SGCZ: variants seen among roughly 807,000 people sequenced by gnomAD.
SGCZ encodes the protein sarcoglycan zeta.
Under a neutral mutation model 41.3 loss-of-function variants are expected in SGCZ, and 40 were observed. The observed-to-expected ratio is 0.97, with a 90% CI of 0.75 to 1.26. The LOEUF is 1.26. SGCZ is among the 50% of genes most tolerant of loss of function. The probability of loss-of-function intolerance (pLI) is 0.00; values close to 1 mark genes in which losing one functional copy is unlikely to be tolerated. For missense variants in SGCZ, 552 were observed against 369.8 expected, an observed-to-expected ratio of 1.49 and a Z score of -4.04; for synonymous variants, 206 against 137.5, an observed-to-expected ratio of 1.50 and a Z score of -3.49.
intron 1 of SGCZ, among the ~76,000 whole-genome samples, chr8:14,999,471 G>C (rs905803780): frequency 6.6e-5 from 10 of 152,114 alleles, no homozygotes; most frequent in African/African-American, 2.4e-4. Context: ...CAATAAAAAA[G>C]TAACATTTGC....
chr8:14,910,417 C>T (rs956992626), intron 1 of SGCZ, among the ~76,000 whole-genome samples: 4 of 151,962 alleles, frequency 2.6e-5, no homozygotes, highest in Non-Finnish European at 5.9e-5. Flanking sequence ...TTACCTAAAA[C>T]TTATTTTTAG....
At chr8:14,484,257 T>C (rs145972868) in intron 2 of SGCZ, among the ~76,000 whole-genome samples, 1,882 of 152,274 alleles carry the variant, frequency 0.012, 43 homozygotes, top group African/African-American at 0.043. Context: ...CATAGTTTGC[T>C]ATTAGTATGG....
chr8:14,491,877 A>G (rs1431426010), intron 2 of SGCZ, among the ~76,000 whole-genome samples: 1 of 152,156 alleles, frequency 6.6e-6, no homozygotes, highest in Non-Finnish European at 1.5e-5. Context: ...TCTCAAAAAT[A>G]TGTCTGAAGC....
chr8:14,313,468 C>T (rs1801612507), intron 3 of SGCZ, among the ~76,000 whole-genome samples: 1 of 152,146 alleles, frequency 6.6e-6, no homozygotes, highest in Admixed American at 6.5e-5. Context: ...AAGTGTAAGC[C>T]ACCATGCCCA....
rs1047764419 is a variant in SGCZ at position 14,425,992 on chromosome 8, A to T, written c.235-101788T>A. Reference sequence around the variant, plus strand: ...TTTTAAAGCACTTATGTACCTAAATATTAATTAACATTAATTAACATTAAT... The same window carrying T: ...TTTTAAAGCACTTATGTACCTAAATTTTAATTAACATTAATTAACATTAAT... On this transcript the variant is annotated intron_variant, in intron 2 of 7. Transcript: ENST00000382080. Among the ~76,000 whole-genome samples, 7 of 146,194 alleles carry T rather than the reference A, an allele frequency of 4.8e-5. No homozygotes were observed. The South Asian group carries it at 1.5e-3, about 32-fold the overall frequency.
intron 1 of SGCZ, among the ~76,000 whole-genome samples, chr8:15,088,721 C>T (rs760699387): frequency 1.0e-3 from 154 of 152,246 alleles, no homozygotes; most frequent in Non-Finnish European, 6.8e-4. Context: ...TTTTATTCGT[C>T]TACCATGAGG....
At chr8:14,391,120 G>A (rs999985123) in intron 2 of SGCZ, among the ~76,000 whole-genome samples, 2 of 152,072 alleles carry the variant, frequency 1.3e-5, no homozygotes, top group Non-Finnish European at 2.9e-5. Context: ...AATTACATAT[G>A]TCCTTAATTA....
intron 1 of SGCZ, among the ~76,000 whole-genome samples, chr8:15,152,954 G>C (rs997769146): frequency 6.6e-6 from 1 of 152,102 alleles, no homozygotes; most frequent in Admixed American, 6.5e-5. Context: ...TTGCAAATTT[G>C]GTGACCCGCT....
intron 5 of SGCZ, among the ~76,000 whole-genome samples, chr8:14,130,929 C>T (rs1803022398): frequency 1.3e-5 from 2 of 152,244 alleles, no homozygotes; most frequent in South Asian, 2.1e-4. Context: ...TAGCCAACTT[C>T]TTCAAATGCT....
At position 14,590,758 on chromosome 8, in the gene SGCZ, G is replaced by A. The variant is rs191396915; in HGVS notation, c.40-35832C>T. 4.6e-3 allele frequency among the ~76,000 whole-genome samples: 676 copies of A among 147,270 alleles called. 5 individuals are homozygous for A. Among genetic ancestry groups the A allele is most frequent in the Admixed American group, 6.1e-3 (90 of 14,652 alleles). The stretch of plus-strand genomic sequence containing the variant: ...TGACATTATACTATATACTGTCATA[G>A]TATATACTATATATAATATAGTATC... On this transcript the variant is annotated intron_variant, in intron 1 of 7. Transcript: ENST00000382080.
At chr8:14,779,421 C>T (rs894793183) in intron 1 of SGCZ, among the ~76,000 whole-genome samples, 6 of 152,076 alleles carry the variant, frequency 3.9e-5, no homozygotes, top group Admixed American at 3.3e-4. Context: ...CCACCAAGGC[C>T]GGTCAAGCCT....
intron 4 of SGCZ, among the ~76,000 whole-genome samples, chr8:14,169,109 T>G (rs987227268): frequency 2.6e-5 from 4 of 152,192 alleles, no homozygotes; most frequent in African/African-American, 7.2e-5. Flanking sequence ...TAAGGGAGTC[T>G]TTGTGTGGCT....
intron 2 of SGCZ, among the ~76,000 whole-genome samples, chr8:14,431,312 G>A (rs527489525): frequency 1.3e-5 from 2 of 152,116 alleles, no homozygotes; most frequent in South Asian, 4.2e-4. Context: ...TTATTCACCC[G>A]AATAGCATGG....
intron 1 of SGCZ, among the ~76,000 whole-genome samples, chr8:14,845,094 T>G (rs1803053649): frequency 6.6e-6 from 1 of 152,086 alleles, no homozygotes; most frequent in Non-Finnish European, 1.5e-5. Context: ...ATTCACCTGA[T>G]CAGTAAAGAA....
intron 3 of SGCZ, among the ~76,000 whole-genome samples, chr8:14,260,184 C>T (rs1334866700): frequency 1.7e-4 from 26 of 152,032 alleles, no homozygotes; most frequent in Non-Finnish European, 2.8e-4. Flanking sequence ...AGAAAATTTT[C>T]GCAACCTACT....
At chr8:14,621,885 C>T (rs899739310) in intron 1 of SGCZ, among the ~76,000 whole-genome samples, 1 of 152,038 alleles carries the variant, frequency 6.6e-6, no homozygotes, top group African/African-American at 2.4e-5. Flanking sequence ...GGAGTCTCTC[C>T]TCTGTCATAC....
chr8:14,259,660 A>T lies in SGCZ; in HGVS notation c.337-21981T>A, dbSNP rs2117229845. On this transcript the variant is annotated intron_variant, in intron 3 of 7. Coordinates refer to ENST00000382080, the MANE Select transcript of SGCZ (RefSeq NM_139167.4). ...ATTTCTGAGGGCTCTGTTCTGTTCC[A>T]TTGATCTATATTTCTGTTTTGGTAC... 2.2e-5 allele frequency among the ~76,000 whole-genome samples: 3 copies of T among 137,326 alleles called. No individual in the cohort carries two copies. The South Asian group carries it at 6.8e-4, about 31-fold the overall frequency. The allele number at this position is 137,326 out of a possible 152,430, so 90.1% of individuals were successfully genotyped here. A position where few individuals can be genotyped will look rare whatever the true frequency, so the allele number is the denominator to read the frequency against.
intron 4 of SGCZ, among the ~76,000 whole-genome samples, chr8:14,217,778 C>G (rs994651727): frequency 2.6e-5 from 4 of 151,540 alleles, no homozygotes; most frequent in Admixed American, 1.3e-4. Flanking sequence ...TACAGGTGAA[C>G]ACCACCACGC....
At chr8:15,226,945 T>C (rs530797755) in intron 1 of SGCZ, among the ~76,000 whole-genome samples, 38 of 152,202 alleles carry the variant, frequency 2.5e-4, no homozygotes, top group Admixed American at 1.1e-3. Flanking sequence ...ACAAAATGAA[T>C]GGTGAAATAC....
Sources: gnomAD v4.1 joint callset for allele counts (sites outside exome capture counted in the v4.1 genomes callset) on GRCh38, gnomAD v4.1.1 for gene constraint, MANE v1.5 for transcripts, NCBI Gene and HGNC (gene_info 2026-07-23, HGNC 2026-07-21) for gene names.